SH3BGR: variants seen among roughly 807,000 people sequenced by gnomAD.
SH3BGR encodes SH3 domain-binding glutamic acid-rich protein.
A neutral mutation model predicts 24.5 loss-of-function variants in SH3BGR; 29 were observed. The observed-to-expected ratio is 1.18, with a 90% CI of 0.88 to 1.61. The LOEUF (loss-of-function observed/expected upper bound fraction) is 1.61. Ranked by LOEUF, SH3BGR falls within the 40% of genes most tolerant of loss-of-function variation. The probability of loss-of-function intolerance (pLI) is 0.00; values close to 1 mark genes in which losing one functional copy is unlikely to be tolerated. For synonymous variants in SH3BGR, 55 were observed against 65.7 expected, an observed-to-expected ratio of 0.84 and a Z score of 0.79; for missense variants, 162 against 205.8, an observed-to-expected ratio of 0.79 and a Z score of 1.30.
intron 4 of SH3BGR, among the ~76,000 whole-genome samples, chr21:39,502,719 G>A (rs188357248): frequency 1.3e-3 from 196 of 152,362 alleles, no homozygotes; most frequent in African/African-American, 4.5e-3. Context: ...GGGATTGGGT[G>A]CTGGTTGTCT....
chr21:39,459,450 C>T (rs2077718981), intron 1 of SH3BGR, among the ~76,000 whole-genome samples: 1 of 152,188 alleles, frequency 6.6e-6, no homozygotes. Context: ...GTCTCGATCT[C>T]TTCACTTTGT....
intron 4 of SH3BGR, among the ~76,000 whole-genome samples, chr21:39,503,960 A>G (rs1336378702): frequency 6.6e-6 from 1 of 152,220 alleles, no homozygotes; most frequent in Admixed American, 6.5e-5. Context: ...CCGGCGCCTC[A>G]GGAGTAAAGG....
intron 2 of SH3BGR, among the ~76,000 whole-genome samples, chr21:39,472,250 G>A (rs2077953333): frequency 6.6e-6 from 1 of 152,116 alleles, no homozygotes; most frequent in African/African-American, 2.4e-5. Context: ...AAGATCGAGG[G>A]GCAGCATTTG....
At chr21:39,448,235 A>C (rs980736530), upstream of SH3BGR, among the ~76,000 whole-genome samples, 1 of 152,218 alleles carries the variant, frequency 6.6e-6, no homozygotes, top group Admixed American at 6.5e-5. Context: ...AAATAAGGTT[A>C]CATGCTGAGG....
chr21:39,461,440 T>C (rs974208214), intron 1 of SH3BGR, among the ~76,000 whole-genome samples: 2 of 151,886 alleles, frequency 1.3e-5, no homozygotes, highest in East Asian at 3.9e-4. Context: ...CTTGGCTGTT[T>C]GTAGATCTTA....
chr21:39,490,029 G>A (rs2078273195), intron 3 of SH3BGR, among the ~76,000 whole-genome samples: 1 of 152,186 alleles, frequency 6.6e-6, no homozygotes, highest in African/African-American at 2.4e-5. Context: ...GGAAATAAGT[G>A]TAAGTGTTCG....
chr21:39,476,103 T>TG (rs2078023211), intron 3 of SH3BGR, among the ~76,000 whole-genome samples: 1 of 152,118 alleles, frequency 6.6e-6, no homozygotes, highest in South Asian at 2.1e-4. Context: ...GTTGACAGGA[T>TG]GGAGACCAGA....
chr21:39,492,466 G>GTGTGTATA lies in SH3BGR; in HGVS notation c.313-7356_313-7355insGTGTATAT, dbSNP rs1404293146. Among the ~76,000 whole-genome samples the GTGTGTATA allele has an allele frequency of 6.3e-3, 880 of 139,616 alleles. 7 individuals carry two copies. Among genetic ancestry groups the GTGTGTATA allele is most frequent in the African/African-American group, 0.023 (809 of 34,704 alleles). The allele number at this position is 139,616 out of a possible 152,430, so 91.6% of individuals were successfully genotyped here. On this transcript the variant is annotated intron_variant, in intron 3 of 6. Transcript: ENST00000333634. ...TTGGTGTGTGTGTGTGTGTGTGTGT[G>GTGTGTATA]TATATATATATATATACACACACAC...
intron 2 of SH3BGR, among the ~76,000 whole-genome samples, chr21:39,468,791 A>T (rs889032508): frequency 7.9e-5 from 12 of 152,178 alleles, no homozygotes; most frequent in African/African-American, 2.9e-4. Flanking sequence ...GAATATGCAC[A>T]TAGTTTACTA....
intron 3 of SH3BGR, among the ~76,000 whole-genome samples, chr21:39,479,984 A>C (rs1569161517): frequency 6.6e-6 from 1 of 152,108 alleles, no homozygotes; most frequent in Non-Finnish European, 1.5e-5. Context: ...GCCAAAGCAA[A>C]TATCTGTTTT....
chr21:39,470,271 T>A (rs1244627284), intron 2 of SH3BGR, among the ~76,000 whole-genome samples: 1 of 152,102 alleles, frequency 6.6e-6, no homozygotes, highest in East Asian at 1.9e-4. Flanking sequence ...ACTTTTTTTT[T>A]TTTTAAAGCC....
chr21:39,488,575 G>C, intron 3 of SH3BGR: 1 of 289,754 alleles, frequency 3.5e-6, no homozygotes, highest in Non-Finnish European at 6.5e-6. Flanking sequence ...AAGGACTAGG[G>C]TGCCTAGTTT....
Position 39,495,420 on chromosome 21 carries a change from A to G in SH3BGR, c.313-4403A>G, listed in dbSNP as rs532142529. Among the ~76,000 whole-genome samples, 3 of 151,916 alleles carry G rather than the reference A, an allele frequency of 2.0e-5. No individual in the cohort carries two copies. In the East Asian group the frequency reaches 5.8e-4, roughly 29 times the overall value. On this transcript the variant is annotated intron_variant, in intron 3 of 6. Coordinates refer to ENST00000333634, the MANE Select transcript of SH3BGR (RefSeq NM_007341.3). ...TGTTTCTAGTAGCAGCTATCCTATT[A>G]CTTAGGATACTTTCAGTTGTACCAA...
rs1199824278 is a variant in SH3BGR at position 39,491,174 on chromosome 21, A to AT, written c.313-8646dup. Among the ~76,000 whole-genome samples, 4 of 150,702 alleles carry AT rather than the reference A, an allele frequency of 2.7e-5. No individual in the cohort carries two copies. In the East Asian group the frequency reaches 5.8e-4, roughly 22 times the overall value. On this transcript the variant is annotated intron_variant, in intron 3 of 6. Coordinates refer to ENST00000333634, the MANE Select transcript of SH3BGR (RefSeq NM_007341.3). The stretch of plus-strand genomic sequence containing the variant: ...TGGCCTCCATTTTATTTATTTATTT[A>AT]TTTATTTTATTTTTTATTTTTATTT...
chr21:39,510,431 C>CACACACACACACACACACACACTGTATCT (rs2078664324), intron 5 of SH3BGR, among the ~76,000 whole-genome samples: 1 of 33,982 alleles, frequency 2.9e-5, no homozygotes, highest in Non-Finnish European at 6.0e-5. Context: ...ACTGTAGCTA[C>CACACACACACACACACACACACTGTATCT]ACACACACAC....
At chr21:39,500,436 T>G (rs1283438804) in intron 4 of SH3BGR, among the ~76,000 whole-genome samples, 1 of 152,060 alleles carries the variant, frequency 6.6e-6, no homozygotes, top group Non-Finnish European at 1.5e-5. Flanking sequence ...AGTCACATGA[T>G]TAATTCTAAA....
At chr21:39,463,310 T>C (rs553974447) in intron 2 of SH3BGR, among the ~76,000 whole-genome samples, 1 of 152,384 alleles carries the variant, frequency 6.6e-6, no homozygotes, top group East Asian at 1.9e-4. Context: ...AATTTTGTTT[T>C]ATACATTTGA....
chr21:39,475,074 C>CGTAAATAAA (rs1418017612), intron 2 of SH3BGR, 61 bp from the exon 3 acceptor site: 1 of 1,038,306 alleles, frequency 9.6e-7, no homozygotes, highest in African/African-American at 1.6e-5. Flanking sequence ...GATCAGTTTC[C>CGTAAATAAA]GTAAATAAAC....
chr21:39,514,170 G>T (rs1010509756), intron 6 of SH3BGR, among the ~76,000 whole-genome samples: 7 of 152,174 alleles, frequency 4.6e-5, no homozygotes, highest in African/African-American at 1.7e-4. Context: ...TTTAAAATGC[G>T]ACATGATGAT....
Sources: allele counts gnomAD v4.1 joint callset (sites outside exome capture counted in the v4.1 genomes callset), GRCh38; gene constraint gnomAD v4.1.1; transcripts MANE v1.5; gene names NCBI Gene and HGNC (gene_info 2026-07-23, HGNC 2026-07-21).